Variants in WDR45 observed in about 807,000 individuals in gnomAD.
WDR45 encodes WD repeat domain phosphoinositide-interacting protein 4.
WDR45 carries 2 observed loss-of-function variants against 27.3 expected under a neutral mutation model. The observed-to-expected ratio is 0.07, with a 90% CI of 0.03 to 0.23. The LOEUF (loss-of-function observed/expected upper bound fraction) is 0.23. Among genes scored for constraint, WDR45 ranks in the 10% least tolerant of loss-of-function variants. WDR45 has a pLI of 1.00. For synonymous variants in WDR45, 99 were observed against 119.2 expected (o/e 0.83, Z 1.11); for missense variants, 175 against 311.9 (o/e 0.56, Z 3.31).
chrX:49,094,669 T>C (rs1021754204), intron 2 of WDR45, among the ~76,000 whole-genome samples: 1 of 111,167 alleles, frequency 9.0e-6, no homozygotes, highest in Non-Finnish European at 1.9e-5. Flanking sequence ...AGATGGAGGT[T>C]CTGTGAAGGC....
At chrX:49,099,138 A>G (rs2065136145) in intron 2 of WDR45, among the ~76,000 whole-genome samples, 1 of 111,233 alleles carries the variant, frequency 9.0e-6, no homozygotes, top group Admixed American at 9.7e-5. Flanking sequence ...ATCCTGGCCA[A>G]CATGGTGAAA....
intron 4 of WDR45, 162 bp from the exon 5 acceptor site, chrX:49,076,912 T>G: frequency 8.6e-6 from 4 of 467,512 alleles, no homozygotes; most frequent in Non-Finnish European, 1.5e-5. Context: ...CTTGTGGATA[T>G]GATCCCTGAG....
chrX:49,077,480 C>T (rs1557084426), intron 4 of WDR45, 163 bp downstream of exon 4: 1 of 511,850 alleles, frequency 2.0e-6, no homozygotes, highest in Admixed American at 3.2e-5. Context: ...AAACAAAGCA[C>T]CAAGCTTCTC....
intron 2 of WDR45, among the ~76,000 whole-genome samples, chrX:49,086,344 G>A (rs782679136): frequency 9.0e-6 from 1 of 111,174 alleles, no homozygotes; most frequent in Non-Finnish European, 1.9e-5. Flanking sequence ...GTAGAGACGG[G>A]GTTTCACCAT....
intron 2 of WDR45, among the ~76,000 whole-genome samples, chrX:49,097,448 T>A (rs1203449994): frequency 9.3e-6 from 1 of 107,453 alleles, no homozygotes; most frequent in African/African-American, 3.4e-5. Context: ...TGTCTCAGCC[T>A]CCCGAGTAGC....
At chrX:49,080,808 TAAAAAAAAA>T (rs374071162), upstream of WDR45, among the ~76,000 whole-genome samples, 1 of 81,274 alleles carries the variant, frequency 1.2e-5, no homozygotes, top group East Asian at 3.9e-4. Flanking sequence ...TGCTTTGGGT[TAAAAAAAAA>T]AAAAAAAAGA....
At chrX:49,090,988 C>CT (rs1437989312) in intron 2 of WDR45, among the ~76,000 whole-genome samples, 2 of 111,221 alleles carry the variant, frequency 1.8e-5, no homozygotes, top group Non-Finnish European at 1.9e-5. Flanking sequence ...GCCCAGCTAA[C>CT]TTTTTTTTGT....
intron 10 of WDR45, 28 bp downstream of exon 10, chrX:49,075,108 C>A: frequency 8.3e-7 from 1 of 1,206,567 alleles, no homozygotes; most frequent in Non-Finnish European, 1.1e-6. Flanking sequence ...CATGCAGTAC[C>A]CCCAACCAAG....
upstream of WDR45, chrX:49,080,396 C>G (rs1817762631): frequency 8.9e-6 from 1 of 111,875 alleles, no homozygotes; most frequent in Middle Eastern, 4.6e-3. Flanking sequence ...TTTCTCCCCA[C>G]CCTGTCCCCC....
intron 2 of WDR45, among the ~76,000 whole-genome samples, chrX:49,086,373 G>A (rs1236467483): frequency 9.0e-6 from 1 of 110,832 alleles, no homozygotes; most frequent in Non-Finnish European, 1.9e-5. Context: ...GGTTGGTCTC[G>A]AACTCCTGAC....
upstream of WDR45, chrX:49,079,977 G>A (rs2147819376): frequency 8.8e-6 from 1 of 113,384 alleles, no homozygotes; most frequent in East Asian, 2.8e-4. Flanking sequence ...TCCTCGCCTA[G>A]TTCCCGGGTC....
intron 2 of WDR45, among the ~76,000 whole-genome samples, chrX:49,098,121 T>G (rs1557087613): frequency 9.0e-6 from 1 of 111,656 alleles, no homozygotes; most frequent in Non-Finnish European, 1.9e-5. Context: ...TGGGCTAATT[T>G]TTTGTAATTT....
At chrX:49,090,603 T>C (rs1173906303) in intron 2 of WDR45, among the ~76,000 whole-genome samples, 2 of 110,218 alleles carry the variant, frequency 1.8e-5, no homozygotes, top group African/African-American at 6.6e-5. Context: ...AATGGCACGA[T>C]CTCAGCTCAC....
chrX:49,083,423 C>T (rs889705478), upstream of WDR45, among the ~76,000 whole-genome samples: 8 of 104,631 alleles, frequency 7.6e-5, no homozygotes, highest in Non-Finnish European at 1.5e-4. Flanking sequence ...ATCCTCTCTT[C>T]CTAAGTGACT....
chrX:49,074,479 G>C lies in WDR45; in HGVS notation c.*324C>G. ...CCTTTTATTCGTATTCATCACATCG[G>C]AGATCATCTCTTCCTAGGAAGCTTT... On this transcript the variant is annotated 3_prime_UTR_variant, in exon 11 of 11. Coordinates refer to ENST00000376372, the MANE Select transcript of WDR45 (RefSeq NM_001029896.2). The C allele has an allele frequency of 2.8e-6, 1 of 359,518 alleles. No individual in the cohort carries two copies. The allele number at this position is 359,518 out of a possible 1,213,427, so 29.6% of individuals were successfully genotyped here. A position where few individuals can be genotyped will look rare whatever the true frequency, so the allele number is the denominator to read the frequency against.
intron 2 of WDR45, among the ~76,000 whole-genome samples, chrX:49,087,431 G>A (rs920220626): frequency 8.9e-6 from 1 of 112,195 alleles, no homozygotes; most frequent in African/African-American, 3.2e-5. Flanking sequence ...GCTGAGGCAG[G>A]AGAATCACTT....
intron 2 of WDR45, among the ~76,000 whole-genome samples, chrX:49,096,973 C>A (rs895686992): frequency 3.6e-5 from 4 of 111,433 alleles, no homozygotes; most frequent in African/African-American, 6.5e-5. Flanking sequence ...CTCTTGACCT[C>A]GTGATCCGCC....
chrX:49,085,890 C>A (rs1190763079), intron 2 of WDR45, among the ~76,000 whole-genome samples: 8 of 112,129 alleles, frequency 7.1e-5, no homozygotes, highest in Non-Finnish European at 1.3e-4. Flanking sequence ...GGACAATATT[C>A]CAATGACCTA....
rs1038727637 is a variant in WDR45, at chrX:49,074,736, G to A, written c.*67C>T. Reference sequence around the variant, plus strand: ...TTGCTGGCTGGTGGCTTCCAAGCACGCCCCACTGCCAAGGCTCAGCTCTGC... The same window carrying A: ...TTGCTGGCTGGTGGCTTCCAAGCACACCCCACTGCCAAGGCTCAGCTCTGC... On this transcript the variant is annotated 3_prime_UTR_variant, in exon 11 of 11. Transcript: ENST00000376372. The A allele has an allele frequency of 3.6e-5, 35 of 959,578 alleles. No homozygotes were observed. The African/African-American group carries it at 5.8e-4, about 16-fold the overall frequency. 79.1% of individuals were successfully genotyped at this position (959,578 alleles called of 1,213,427 possible).
Sources: gnomAD v4.1 joint callset for allele counts (sites outside exome capture counted in the v4.1 genomes callset) on GRCh38, gnomAD v4.1.1 for gene constraint, MANE v1.5 for transcripts, NCBI Gene and HGNC (gene_info 2026-07-23, HGNC 2026-07-21) for gene names.